CCDC192: variants seen among roughly 807,000 people sequenced by gnomAD.
CCDC192 encodes the protein coiled-coil domain-containing protein 192.
chr5:127,939,643 G>C (rs536383702), intron 6 of CCDC192, among the ~76,000 whole-genome samples: 37 of 151,500 alleles, frequency 2.4e-4, no homozygotes, highest in African/African-American at 8.7e-4. Flanking sequence ...GGAATGTGAT[G>C]ACTGCCAATT....
intron 6 of CCDC192, among the ~76,000 whole-genome samples, chr5:127,884,398 A>G (rs1580793633): frequency 6.6e-6 from 1 of 151,376 alleles, no homozygotes. Context: ...ATCTCAAAAA[A>G]AAAAAAATAC....
chr5:127,923,696 A>G (rs898648065), intron 6 of CCDC192, among the ~76,000 whole-genome samples: 2 of 151,992 alleles, frequency 1.3e-5, no homozygotes, highest in South Asian at 4.2e-4. Context: ...GTCTTAACCA[A>G]TCATGGCATT....
intron 6 of CCDC192, among the ~76,000 whole-genome samples, chr5:127,906,247 G>T (rs562785755): frequency 6.6e-6 from 1 of 152,186 alleles, no homozygotes; most frequent in African/African-American, 2.4e-5. Context: ...CACTATTCTA[G>T]GTACCTCCTA....
intron 5 of CCDC192, among the ~76,000 whole-genome samples, chr5:127,810,445 A>G (rs2126998509): frequency 6.6e-6 from 1 of 152,324 alleles, no homozygotes; most frequent in Admixed American, 6.5e-5. Context: ...TCATGAGACC[A>G]CATTAATTAC....
chr5:127,770,835 T>G (rs1014935397), intron 3 of CCDC192, among the ~76,000 whole-genome samples: 1 of 152,212 alleles, frequency 6.6e-6, no homozygotes. Flanking sequence ...ATGCATATTA[T>G]GTATAGGTAT....
At chr5:127,854,244 C>G (rs1401986235) in intron 5 of CCDC192, among the ~76,000 whole-genome samples, 4 of 152,154 alleles carry the variant, frequency 2.6e-5, no homozygotes, top group Non-Finnish European at 4.4e-5. Context: ...TCTTTTCACT[C>G]TCTGGTGTTT....
intron 6 of CCDC192, among the ~76,000 whole-genome samples, chr5:127,911,594 C>G (rs1288730111): frequency 6.6e-6 from 1 of 151,822 alleles, no homozygotes; most frequent in African/African-American, 2.4e-5. Flanking sequence ...ATTTTTCCTT[C>G]TAGGTCCATA....
chr5:127,709,564 A>G (rs1751202547), intron 2 of CCDC192, among the ~76,000 whole-genome samples: 1 of 152,094 alleles, frequency 6.6e-6, no homozygotes, highest in South Asian at 2.1e-4. Context: ...AGTGTAGTTC[A>G]TTTTACCTGG....
chr5:127,747,354 G>A (rs925024434), intron 2 of CCDC192, among the ~76,000 whole-genome samples: 1 of 151,980 alleles, frequency 6.6e-6, no homozygotes, highest in African/African-American at 2.4e-5. Context: ...AGAATATGCG[G>A]TGTTTGGTTT....
chr5:127,800,776 T>C (rs57883466), intron 5 of CCDC192, among the ~76,000 whole-genome samples: 42,609 of 152,112 alleles, frequency 0.28, 6,736 homozygotes, highest in South Asian at 0.43. Flanking sequence ...CAAAGCAGTT[T>C]TAAAATCCTA....
intron 2 of CCDC192, among the ~76,000 whole-genome samples, chr5:127,714,787 A>G (rs1299658280): frequency 6.6e-6 from 1 of 152,206 alleles, no homozygotes; most frequent in Non-Finnish European, 1.5e-5. Flanking sequence ...TCTCACCAGC[A>G]TTCATTATTT....
At chr5:127,753,925 A>T (rs1207540508) in intron 2 of CCDC192, among the ~76,000 whole-genome samples, 1 of 152,224 alleles carries the variant, frequency 6.6e-6, no homozygotes, top group Non-Finnish European at 1.5e-5. Context: ...TCTAGGTGAC[A>T]TCTTCCATCA....
intron 3 of CCDC192, chr5:127,784,495 C>A: frequency 2.9e-6 from 1 of 341,216 alleles, no homozygotes; most frequent in Non-Finnish European, 5.6e-6. Context: ...GTCTTGGTCT[C>A]AGCTTTAAAA....
intron 6 of CCDC192, among the ~76,000 whole-genome samples, chr5:127,922,544 G>A (rs1753750501): frequency 6.6e-6 from 1 of 152,194 alleles, no homozygotes; most frequent in African/African-American, 2.4e-5. Context: ...CTCAGAACCA[G>A]CCTAGGCAAC....
At chr5:127,792,796 A>G (rs555284216) in intron 3 of CCDC192, among the ~76,000 whole-genome samples, 10 of 139,652 alleles carry the variant, frequency 7.2e-5, no homozygotes, top group South Asian at 4.5e-4. Flanking sequence ...GAAGAAGAAG[A>G]AGGAGGAGGA....
chr5:127,871,926 A>G (rs1751881094), intron 5 of CCDC192, among the ~76,000 whole-genome samples: 1 of 152,240 alleles, frequency 6.6e-6, no homozygotes, highest in African/African-American at 2.4e-5. Flanking sequence ...TAATCACCAA[A>G]GAGAGTTCCT....
intron 6 of CCDC192, among the ~76,000 whole-genome samples, chr5:127,912,239 T>A (rs893821998): frequency 4.0e-5 from 6 of 151,526 alleles, no homozygotes; most frequent in African/African-American, 1.5e-4. Flanking sequence ...CCAAAAAAAA[T>A]TTTTGTCAGG....
At chr5:127,721,839 G>T (rs1008955712) in intron 2 of CCDC192, among the ~76,000 whole-genome samples, 15 of 152,158 alleles carry the variant, frequency 9.9e-5, no homozygotes, top group African/African-American at 3.4e-4. Context: ...TGGGGCAGGA[G>T]GAAGAGAGAA....
At chr5:127,797,657 CATT>C (rs1232573541) in intron 4 of CCDC192, among the ~76,000 whole-genome samples, 2 of 147,784 alleles carry the variant, frequency 1.4e-5, no homozygotes, top group Non-Finnish European at 3.0e-5. Flanking sequence ...AAATATATAT[CATT>C]ATGTAAATTT....
Sources: allele counts gnomAD v4.1 joint callset (sites outside exome capture counted in the v4.1 genomes callset), GRCh38; gene constraint gnomAD v4.1.1; transcripts MANE v1.5; gene names NCBI Gene and HGNC (gene_info 2026-07-23, HGNC 2026-07-21).